Variants in TSACC observed in about 807,000 individuals in gnomAD.
The protein encoded by TSACC is TSSK6 activating cochaperone.
TSACC carries 3 observed loss-of-function variants against 6.9 expected under a neutral mutation model. The ratio of observed to expected loss-of-function variants is 0.43; its 90% CI spans 0.20 to 1.12. The LOEUF is 1.12. Among genes scored for constraint, TSACC ranks in the 50% most tolerant of loss-of-function variants. The pLI, the probability that TSACC is intolerant of heterozygous loss-of-function variation, is 0.28. For missense variants in TSACC, 137 were observed against 143.9 expected, an observed-to-expected ratio of 0.95 and a Z score of 0.24; for synonymous variants, 54 against 55.1, an observed-to-expected ratio of 0.98 and a Z score of 0.09.
At chr1:156,338,092 T>C (rs1665530617), upstream of TSACC, 1 of 1,549,666 alleles carries the variant, frequency 6.5e-7, no homozygotes, top group Admixed American at 2.0e-5. Context: ...GGGGCAACAC[T>C]GAAAAGTATG....
Position 156,339,737 on chromosome 1 carries a change from AC to A in TSACC, c.-19del. The A allele has an allele frequency of 6.2e-7, 1 of 1,613,932 alleles. No individual in the cohort carries two copies. The highest frequency in any genetic ancestry group is 8.5e-7 in the Non-Finnish European group (1 of 1,179,882). On this transcript the variant is annotated 5_prime_UTR_variant, in exon 2 of 4. Coordinates refer to ENST00000368254, the MANE Select transcript of TSACC (RefSeq NM_001304817.2). ...CTGATGCTATGATTCTTTCCCAGGC[AC>A]CACACCTGTTGGTGTTCAGATGGAG...
At chr1:156,346,432 A>G (rs1666182358) in intron 3 of TSACC, among the ~76,000 whole-genome samples, 1 of 152,146 alleles carries the variant, frequency 6.6e-6, no homozygotes, top group African/African-American at 2.4e-5. Context: ...GTAGTGAACA[A>G]ATCAGATAAA....
At chr1:156,338,359 C>T (rs1006724539), upstream of TSACC, 10 of 649,078 alleles carry the variant, frequency 1.5e-5, no homozygotes, top group Non-Finnish European at 2.2e-5. Context: ...GGCACAAAAA[C>T]AGACCAATTG....
At chr1:156,337,507 C>G, upstream of TSACC, 1 of 168,910 alleles carries the variant, frequency 5.9e-6, no homozygotes, top group South Asian at 1.2e-4. Context: ...AAGAGTACAA[C>G]GCCGGGGACA....
chr1:156,341,994 G>T (rs1045159382), intron 2 of TSACC, among the ~76,000 whole-genome samples: 2 of 151,048 alleles, frequency 1.3e-5, no homozygotes, highest in African/African-American at 4.9e-5. Flanking sequence ...CCTGGGAGGC[G>T]GAGCTTGCAG....
chr1:156,341,022 G>T (rs1040226186), intron 2 of TSACC, among the ~76,000 whole-genome samples: 11 of 152,004 alleles, frequency 7.2e-5, no homozygotes, highest in Admixed American at 2.0e-4. Context: ...TACAGACTGG[G>T]TTACGCCAGG....
chr1:156,341,894 C>T (rs192295166), intron 2 of TSACC, among the ~76,000 whole-genome samples: 1 of 151,966 alleles, frequency 6.6e-6, no homozygotes, highest in Non-Finnish European at 1.5e-5. Context: ...AAACCCGTCT[C>T]TACTAAAAAT....
At chr1:156,340,275 C>T (rs536217314) in intron 2 of TSACC, among the ~76,000 whole-genome samples, 19 of 152,318 alleles carry the variant, frequency 1.2e-4, no homozygotes, top group Middle Eastern at 3.4e-3. Context: ...TCTCCTGCCT[C>T]GGCCTCCTGA....
chr1:156,338,123 G>A (rs1248811712), upstream of TSACC: 1 of 1,574,032 alleles, frequency 6.4e-7, no homozygotes, highest in Non-Finnish European at 8.6e-7. Flanking sequence ...GGCGAAAAGG[G>A]GGTCCATTTC....
At chr1:156,344,344 A>C (rs908204204) in intron 2 of TSACC, among the ~76,000 whole-genome samples, 6 of 152,200 alleles carry the variant, frequency 3.9e-5, no homozygotes, top group African/African-American at 1.4e-4. Context: ...TACAGTCGCA[A>C]GCATGTAGTG....
rs1232988842 is a variant in TSACC, at chr1:156,339,805, G to A, written c.34+14G>A. 1 of 1,613,732 alleles carries A rather than the reference G, an allele frequency of 6.2e-7. No homozygotes were observed. The highest frequency in any genetic ancestry group is 1.3e-5 in the African/African-American group (1 of 75,046). ...CTAACAGAAAAGGTGTGTGTTGGAG[G>A]CCCTGCTTCCCCTCCCTTAAAAAGC... On this transcript the variant is annotated intron_variant, in intron 2 of 3. Transcript: ENST00000368254.
chr1:156,345,082 C>T (rs1183916478), intron 3 of TSACC, among the ~76,000 whole-genome samples: 1 of 152,188 alleles, frequency 6.6e-6, no homozygotes, highest in East Asian at 1.9e-4. Context: ...TTTGAATTTT[C>T]ATCATTCATC....
chr1:156,344,559 AT>A lies in TSACC; in HGVS notation c.35-18del. 6.2e-7 allele frequency: 1 copy of A among 1,611,840 alleles called. No individual in the cohort carries two copies. The highest frequency in any genetic ancestry group is 8.5e-7 in the Non-Finnish European group (1 of 1,179,250). On this transcript the variant is annotated intron_variant, in intron 2 of 3. Coordinates refer to ENST00000368254, the MANE Select transcript of TSACC (RefSeq NM_001304817.2). ...CTGTCCCTTGTTGGAATGAGCTCTGATTTAGTTATCTCTGATTTAGTTCCAG... is the reference window on the plus strand; with the variant it reads ...CTGTCCCTTGTTGGAATGAGCTCTGATTAGTTATCTCTGATTTAGTTCCAG...
At chr1:156,339,520 G>T in intron 1 of TSACC, 114 bp from the exon 2 acceptor site, 1 of 484,268 alleles carries the variant, frequency 2.1e-6, no homozygotes, top group Non-Finnish European at 3.7e-6. Context: ...AAAAAAGGAA[G>T]CACTAAAGGA....
At chr1:156,341,914 T>G (rs1381487701) in intron 2 of TSACC, among the ~76,000 whole-genome samples, 1 of 151,806 alleles carries the variant, frequency 6.6e-6, no homozygotes, top group Non-Finnish European at 1.5e-5. Context: ...TACAAAAAAT[T>G]AGCCGGGCAT....
At chr1:156,339,611 GTT>G in intron 1 of TSACC, 21 bp from the exon 2 acceptor site, 1 of 937,560 alleles carries the variant, frequency 1.1e-6, no homozygotes, top group Non-Finnish European at 1.6e-6. Flanking sequence ...ATGAAATAGA[GTT>G]TCCTACTTTT....
upstream of TSACC, chr1:156,337,801 AC>A: frequency 3.0e-6 from 1 of 332,130 alleles, no homozygotes; most frequent in Non-Finnish European, 5.5e-6. Context: ...TGAAAAAAAA[AC>A]AAAAAAAAAC....
upstream of TSACC, chr1:156,338,065 C>T: frequency 7.1e-7 from 1 of 1,408,112 alleles, no homozygotes; most frequent in Non-Finnish European, 9.8e-7. Context: ...GTGGCCCGGT[C>T]AGTGGGGGAC....
intron 2 of TSACC, among the ~76,000 whole-genome samples, 167 bp downstream of exon 2, chr1:156,339,958 C>A (rs1003273127): frequency 2.0e-5 from 3 of 152,180 alleles, no homozygotes; most frequent in African/African-American, 2.4e-5. Flanking sequence ...TCCTTTGTAT[C>A]TCCTCTTAAT....
Sources: allele counts gnomAD v4.1 joint callset (sites outside exome capture counted in the v4.1 genomes callset), GRCh38; gene constraint gnomAD v4.1.1; transcripts MANE v1.5; gene names NCBI Gene and HGNC (gene_info 2026-07-23, HGNC 2026-07-21).